Variants in PTBP2 observed in about 807,000 individuals in gnomAD.
PTBP2 encodes polypyrimidine tract binding protein 2.
Under a neutral mutation model 61.4 loss-of-function variants are expected in PTBP2, and 13 were observed. The ratio of observed to expected loss-of-function variants is 0.21; its 90% CI spans 0.14 to 0.34. The LOEUF (loss-of-function observed/expected upper bound fraction) is 0.34, where lower values mean the gene tolerates loss of function less well. PTBP2 is among the 10% of genes least tolerant of loss of function. The probability of loss-of-function intolerance (pLI) is 1.00; values close to 1 mark genes in which losing one functional copy is unlikely to be tolerated. For synonymous variants in PTBP2, 215 were observed against 218.5 expected, an observed-to-expected ratio of 0.98 and a Z score of 0.14; for missense variants, 405 against 642.6, an observed-to-expected ratio of 0.63 and a Z score of 4.00.
At chr1:96,736,623 G>A (rs148559532) in intron 2 of PTBP2, among the ~76,000 whole-genome samples, 118 of 152,212 alleles carry the variant, frequency 7.8e-4, no homozygotes, top group Admixed American at 1.9e-3. Flanking sequence ...CATGTACAGC[G>A]GATAATATTT....
chr1:96,759,578 A>G (rs894019504), intron 3 of PTBP2, among the ~76,000 whole-genome samples: 4 of 152,220 alleles, frequency 2.6e-5, no homozygotes, highest in East Asian at 1.9e-4. Context: ...AAACTAATAT[A>G]TAGAGTTTTT....
At chr1:96,802,628 C>T (rs1445034886) in intron 8 of PTBP2, among the ~76,000 whole-genome samples, 1 of 152,054 alleles carries the variant, frequency 6.6e-6, no homozygotes, top group Non-Finnish European at 1.5e-5. Context: ...TTTTTGAAAA[C>T]AGACTTTATT....
chr1:96,736,852 T>G (rs977542469), intron 2 of PTBP2, among the ~76,000 whole-genome samples: 28 of 149,400 alleles, frequency 1.9e-4, no homozygotes, highest in Middle Eastern at 3.4e-3. Flanking sequence ...AATTTTTGAG[T>G]TTTTTTTTGT....
At chr1:96,738,216 C>T (rs1028382921) in intron 2 of PTBP2, among the ~76,000 whole-genome samples, 9 of 146,176 alleles carry the variant, frequency 6.2e-5, no homozygotes, top group Admixed American at 2.8e-4. Flanking sequence ...AATAGTTCAA[C>T]TATTATAAAA....
exon 14 of PTBP2, chr1:96,821,269 C>G (rs1662674123): frequency 6.6e-6 from 1 of 152,104 alleles, no homozygotes; most frequent in Non-Finnish European, 1.5e-5. Context: ...TCTTTTCTCT[C>G]TACACCATTG....
Position 96,738,983 on chromosome 1 carries a change from A to C in PTBP2, c.40-12442A>C, listed in dbSNP as rs72974585. 4.7e-3 allele frequency among the ~76,000 whole-genome samples: 713 copies of C among 152,342 alleles called. 3 individuals are homozygous for C. The highest frequency in any genetic ancestry group is 0.016 in the African/African-American group (673 of 41,576). ...ATAAGACAATGAATAAATTCTGTTC[A>C]TAAACATTACAAATGTTTTTTAAAT... On this transcript the variant is annotated intron_variant, in intron 2 of 13. Coordinates refer to ENST00000674951, the MANE Select transcript of PTBP2 (RefSeq NM_021190.4).
At chr1:96,799,348 T>G (rs1660741906) in intron 8 of PTBP2, among the ~76,000 whole-genome samples, 1 of 136,408 alleles carries the variant, frequency 7.3e-6, no homozygotes. Flanking sequence ...CAGGCTGGAG[T>G]GCAATGGTGC....
At chr1:96,726,946 A>G (rs896755344) in intron 2 of PTBP2, among the ~76,000 whole-genome samples, 2 of 152,138 alleles carry the variant, frequency 1.3e-5, no homozygotes, top group African/African-American at 4.8e-5. Flanking sequence ...TAAACTACCC[A>G]TATTAAATAT....
intron 11 of PTBP2, among the ~76,000 whole-genome samples, chr1:96,808,184 A>G (rs1042325454): frequency 2.0e-5 from 3 of 151,884 alleles, no homozygotes; most frequent in African/African-American, 4.8e-5. Flanking sequence ...AGACTGTTTT[A>G]TGTAATATTT....
At position 96,772,954 on chromosome 1, in the gene PTBP2, A is replaced by C. The variant is rs554765703; in HGVS notation, c.432+2103A>C. Among the ~76,000 whole-genome samples the C allele has an allele frequency of 2.0e-5, 3 of 147,296 alleles. No homozygotes were observed. The South Asian group carries it at 6.3e-4, about 31-fold the overall frequency. On this transcript the variant is annotated intron_variant, in intron 5 of 13. Coordinates refer to ENST00000674951, the MANE Select transcript of PTBP2 (RefSeq NM_021190.4). ...ATGGTGAAACCCTGAGTCTACTAAA[A>C]ATACAAAAAAAAAAAAAAATTAGCC...
intron 2 of PTBP2, among the ~76,000 whole-genome samples, chr1:96,750,700 C>A (rs905870813): frequency 4.6e-5 from 7 of 151,860 alleles, no homozygotes; most frequent in Non-Finnish European, 7.4e-5. Flanking sequence ...TACTAATATC[C>A]ATGTATGTAA....
intron 7 of PTBP2, among the ~76,000 whole-genome samples, chr1:96,780,910 T>C (rs72976443): frequency 0.042 from 6,433 of 152,116 alleles, 438 homozygotes; most frequent in African/African-American, 0.14. Flanking sequence ...ATGGTATTTT[T>C]CCCTTTCCTT....
downstream of PTBP2, chr1:96,819,265 T>TTC (rs1662595265): frequency 3.3e-5 from 5 of 152,058 alleles, no homozygotes; most frequent in African/African-American, 9.6e-5. Flanking sequence ...CCTTACTGAA[T>TTC]GATGACTGAT....
At chr1:96,735,300 A>T (rs1652018352) in intron 2 of PTBP2, among the ~76,000 whole-genome samples, 1 of 152,216 alleles carries the variant, frequency 6.6e-6, no homozygotes, top group African/African-American at 2.4e-5. Context: ...AATACTATAC[A>T]GTATTAACAT....
intron 1 of PTBP2, among the ~76,000 whole-genome samples, chr1:96,722,767 G>A (rs1161594539): frequency 6.6e-6 from 1 of 152,134 alleles, no homozygotes; most frequent in Non-Finnish European, 1.5e-5. Flanking sequence ...GCATCTTTGC[G>A]AACCTGAGTC....
At chr1:96,743,931 G>A (rs981114311) in intron 2 of PTBP2, among the ~76,000 whole-genome samples, 1 of 152,102 alleles carries the variant, frequency 6.6e-6, no homozygotes, top group Non-Finnish European at 1.5e-5. Flanking sequence ...TGTAATCCCA[G>A]CATTTTGGGA....
At chr1:96,802,929 A>G (rs987780513) in intron 8 of PTBP2, among the ~76,000 whole-genome samples, 8 of 152,310 alleles carry the variant, frequency 5.3e-5, no homozygotes, top group Middle Eastern at 3.4e-3. Flanking sequence ...ATACTGACGA[A>G]TAGTATTACA....
chr1:96,751,398 T>C (rs1402511195), intron 2 of PTBP2, 27 bp from the exon 3 acceptor site: 3 of 1,547,430 alleles, frequency 1.9e-6, no homozygotes, highest in Admixed American at 1.7e-5. Context: ...AAAGATGTCT[T>C]ATGCTAATTT....
chr1:96,784,212 A>G (rs1658982450), intron 7 of PTBP2, among the ~76,000 whole-genome samples: 1 of 152,118 alleles, frequency 6.6e-6, no homozygotes, highest in South Asian at 2.1e-4. Context: ...GAGCAGAAAA[A>G]GTACAAGATA....
Sources: gnomAD v4.1 joint callset for allele counts (sites outside exome capture counted in the v4.1 genomes callset) on GRCh38, gnomAD v4.1.1 for gene constraint, MANE v1.5 for transcripts, NCBI Gene and HGNC (gene_info 2026-07-23, HGNC 2026-07-21) for gene names.